The following EPHA6 variants were observed in gnomAD, a reference collection of about 807,000 sequenced individuals.
The protein encoded by EPHA6 is ephrin type-A receptor 6.
EPHA6 carries 50 observed loss-of-function variants against 112.0 expected under a neutral mutation model. The observed-to-expected ratio is 0.45, with a 90% CI of 0.36 to 0.56. The LOEUF (loss-of-function observed/expected upper bound fraction) is 0.56, where lower values mean the gene tolerates loss of function less well. EPHA6 is among the 20% of genes least tolerant of loss of function. The probability of loss-of-function intolerance (pLI) is 0.00; values close to 1 mark genes in which losing one functional copy is unlikely to be tolerated. For missense variants in EPHA6, 1,280 were observed against 1,417.4 expected (o/e 0.90, Z 1.56); for synonymous variants, 529 against 490.7 (o/e 1.08, Z -1.03).
At chr3:97,385,995 G>A (rs2086043635) in intron 5 of EPHA6, among the ~76,000 whole-genome samples, 1 of 152,116 alleles carries the variant, frequency 6.6e-6, no homozygotes, top group African/African-American at 2.4e-5. Flanking sequence ...GAGACAGAGA[G>A]GCAAATCACG....
chr3:97,479,587 A>G (rs2091471795), intron 9 of EPHA6, among the ~76,000 whole-genome samples: 1 of 152,166 alleles, frequency 6.6e-6, no homozygotes, highest in Non-Finnish European at 1.5e-5. Flanking sequence ...GCTGGAAAAC[A>G]CAACAGACTG....
At chr3:96,931,838 A>G (rs1319145570) in intron 2 of EPHA6, among the ~76,000 whole-genome samples, 6 of 152,062 alleles carry the variant, frequency 3.9e-5, no homozygotes. Flanking sequence ...CCCGCTTCCT[A>G]GGGATATGCA....
intron 3 of EPHA6, among the ~76,000 whole-genome samples, chr3:97,168,222 A>G (rs150219248): frequency 1.3e-5 from 2 of 152,194 alleles, no homozygotes; most frequent in Non-Finnish European, 2.9e-5. Flanking sequence ...TTATTTGTAA[A>G]TTCTGACACC....
chr3:96,886,890 A>G (rs1222036385), intron 2 of EPHA6, among the ~76,000 whole-genome samples: 2 of 152,176 alleles, frequency 1.3e-5, no homozygotes, highest in Admixed American at 1.3e-4. Context: ...GAGACTTTCC[A>G]GAGCATTTTG....
chr3:97,270,201 A>T (rs1285270862), intron 5 of EPHA6, among the ~76,000 whole-genome samples: 2 of 152,220 alleles, frequency 1.3e-5, no homozygotes, highest in Admixed American at 6.5e-5. Context: ...TGTCAAAAAT[A>T]ATTTTTTAAA....
chr3:97,350,598 A>G (rs887728512), intron 5 of EPHA6, among the ~76,000 whole-genome samples: 2 of 152,152 alleles, frequency 1.3e-5, no homozygotes, highest in African/African-American at 4.8e-5. Context: ...AAACCTCAGC[A>G]CACATCTAGT....
intron 3 of EPHA6, among the ~76,000 whole-genome samples, chr3:97,078,570 T>A (rs989473965): frequency 7.2e-5 from 11 of 152,214 alleles, no homozygotes; most frequent in Non-Finnish European, 1.6e-4. Flanking sequence ...TTAATTTTTA[T>A]ATAAGGTGTA....
At chr3:97,216,051 T>C (rs1434023543) in intron 3 of EPHA6, among the ~76,000 whole-genome samples, 1 of 152,174 alleles carries the variant, frequency 6.6e-6, no homozygotes. Context: ...TCAATGTCTG[T>C]ATTAGGTCAT....
At chr3:97,075,562 A>G (rs1325639170) in intron 3 of EPHA6, among the ~76,000 whole-genome samples, 1 of 152,082 alleles carries the variant, frequency 6.6e-6, no homozygotes, top group Admixed American at 6.6e-5. Context: ...TGAGAAACAT[A>G]GTTTACATGA....
intron 13 of EPHA6, among the ~76,000 whole-genome samples, chr3:97,635,513 C>T (rs1220572146): frequency 6.6e-6 from 1 of 151,942 alleles, no homozygotes. Flanking sequence ...GTGGATGAAC[C>T]TTGGAAACAT....
intron 5 of EPHA6, among the ~76,000 whole-genome samples, chr3:97,334,962 A>G (rs2082987611): frequency 6.6e-6 from 1 of 152,070 alleles, no homozygotes; most frequent in Admixed American, 6.6e-5. Flanking sequence ...ACGGCCTGTT[A>G]TAAACTCTGT....
chr3:97,257,883 T>C (rs1355031352), intron 5 of EPHA6, among the ~76,000 whole-genome samples: 1 of 152,054 alleles, frequency 6.6e-6, no homozygotes, highest in Non-Finnish European at 1.5e-5. Flanking sequence ...AGAAACCCTA[T>C]ATATATTGTT....
At chr3:97,319,824 T>C (rs1159724527) in intron 5 of EPHA6, among the ~76,000 whole-genome samples, 2 of 151,940 alleles carry the variant, frequency 1.3e-5, no homozygotes, top group Non-Finnish European at 2.9e-5. Context: ...ATCTTTTAGG[T>C]AAAATTAATG....
At chr3:97,017,972 T>C (rs1559672087) in intron 3 of EPHA6, among the ~76,000 whole-genome samples, 1 of 151,188 alleles carries the variant, frequency 6.6e-6, no homozygotes, top group Non-Finnish European at 1.5e-5. Flanking sequence ...CATGCTTTAC[T>C]GTTTCTTATT....
At chr3:97,614,533 T>TTTTAA (rs2093749068) in intron 13 of EPHA6, among the ~76,000 whole-genome samples, 1 of 150,012 alleles carries the variant, frequency 6.7e-6, no homozygotes, top group African/African-American at 2.4e-5. Context: ...TTTTGTATTT[T>TTTTAA]AGAAGAGACG....
At chr3:97,023,601 A>T (rs1320282123) in intron 3 of EPHA6, among the ~76,000 whole-genome samples, 1 of 152,054 alleles carries the variant, frequency 6.6e-6, no homozygotes, top group South Asian at 2.1e-4. Flanking sequence ...AATATCTATT[A>T]TCAGGGAAAA....
intron 3 of EPHA6, among the ~76,000 whole-genome samples, chr3:97,224,008 A>G (rs1356414549): frequency 6.6e-6 from 1 of 152,140 alleles, no homozygotes; most frequent in Non-Finnish European, 1.5e-5. Flanking sequence ...GCTAAAGTAC[A>G]TACAGGATTT....
At chr3:97,544,228 T>C (rs1216688306) in intron 11 of EPHA6, among the ~76,000 whole-genome samples, 6 of 152,152 alleles carry the variant, frequency 3.9e-5, no homozygotes, top group Admixed American at 3.9e-4. Context: ...GGCTGTGGGT[T>C]TGTCATAGAT....
intron 3 of EPHA6, among the ~76,000 whole-genome samples, chr3:97,025,221 CATT>C (rs1458894004): frequency 6.6e-6 from 1 of 152,066 alleles, no homozygotes; most frequent in Non-Finnish European, 1.5e-5. Context: ...AAGCACTCAC[CATT>C]ATTATGCAAC....
Sources: allele counts gnomAD v4.1 joint callset (sites outside exome capture counted in the v4.1 genomes callset), GRCh38; gene constraint gnomAD v4.1.1; transcripts MANE v1.5; gene names NCBI Gene and HGNC (gene_info 2026-07-23, HGNC 2026-07-21).